Variants in LSAMP observed in about 807,000 individuals in gnomAD.
LSAMP encodes limbic system-associated membrane protein.
Under a neutral mutation model 38.6 loss-of-function variants are expected in LSAMP, and 7 were observed. That is an observed-to-expected ratio of 0.18 (90% CI 0.10 to 0.34). The LOEUF is 0.34. Among genes scored for constraint, LSAMP ranks in the 10% least tolerant of loss-of-function variants. The pLI is 1.00. For missense variants in LSAMP, 313 were observed against 420.0 expected (o/e 0.75, Z 2.23); for synonymous variants, 154 against 166.8 (o/e 0.92, Z 0.59).
At chr3:116,147,186 A>G (rs1709510664) in intron 1 of LSAMP, among the ~76,000 whole-genome samples, 1 of 151,892 alleles carries the variant, frequency 6.6e-6, no homozygotes, top group Non-Finnish European at 1.5e-5. Flanking sequence ...ATTTGTCATT[A>G]TTCTAAATTC....
At chr3:116,292,793 A>G (rs1384894182) in intron 1 of LSAMP, among the ~76,000 whole-genome samples, 2 of 152,208 alleles carry the variant, frequency 1.3e-5, no homozygotes, top group African/African-American at 4.8e-5. Flanking sequence ...GTTTGCTCAC[A>G]TAGTTTCTTT....
At chr3:116,224,344 C>T (rs942437927) in intron 1 of LSAMP, among the ~76,000 whole-genome samples, 2 of 152,178 alleles carry the variant, frequency 1.3e-5, no homozygotes, top group Non-Finnish European at 2.9e-5. Context: ...ATCCAAGAAA[C>T]AGGTGAACAA....
At chr3:116,170,367 G>T (rs1334398149) in intron 1 of LSAMP, among the ~76,000 whole-genome samples, 1 of 152,022 alleles carries the variant, frequency 6.6e-6, no homozygotes, top group African/African-American at 2.4e-5. Context: ...TCGCTTTGTG[G>T]CTACTCTGTG....
intron 1 of LSAMP, among the ~76,000 whole-genome samples, chr3:116,283,704 G>GT (rs1389290955): frequency 6.6e-6 from 1 of 152,158 alleles, no homozygotes; most frequent in Non-Finnish European, 1.5e-5. Flanking sequence ...CTTGTGTTTT[G>GT]TAAGAGCCAG....
chr3:115,915,816 A>G lies in LSAMP; in HGVS notation c.515-63199T>C, dbSNP rs151207729. On this transcript the variant is annotated intron_variant, in intron 3 of 6. Transcript: ENST00000490035. Reference sequence around the variant, plus strand: ...CCCGGCTAATTTTTGTATTTCTAGTAGAGACAGCATTTCACCATGTTGGCC... The same window carrying G: ...CCCGGCTAATTTTTGTATTTCTAGTGGAGACAGCATTTCACCATGTTGGCC... 4.9e-3 allele frequency among the ~76,000 whole-genome samples: 742 copies of G among 152,122 alleles called. 9 individuals are homozygous for G. The highest frequency in any genetic ancestry group is 0.017 in the African/African-American group (723 of 41,506).
chr3:116,215,264 G>A (rs2046206010), intron 1 of LSAMP, among the ~76,000 whole-genome samples: 1 of 152,188 alleles, frequency 6.6e-6, no homozygotes, highest in African/African-American at 2.4e-5. Flanking sequence ...CATCTATGAT[G>A]AAATCTTAGC....
At chr3:116,375,054 G>A (rs942021835) in intron 1 of LSAMP, among the ~76,000 whole-genome samples, 1 of 151,920 alleles carries the variant, frequency 6.6e-6, no homozygotes, top group Non-Finnish European at 1.5e-5. Flanking sequence ...ACTTCACAGA[G>A]TTCATATCAT....
chr3:116,301,176 T>C (rs78294739), intron 1 of LSAMP, among the ~76,000 whole-genome samples: 14,485 of 152,014 alleles, frequency 0.095, 818 homozygotes, highest in Middle Eastern at 0.16. Flanking sequence ...TCAATGGAAA[T>C]GAAAATCCAA....
chr3:115,928,857 T>C (rs1937530752), intron 3 of LSAMP, among the ~76,000 whole-genome samples: 1 of 152,168 alleles, frequency 6.6e-6, no homozygotes, highest in Admixed American at 6.5e-5. Context: ...TGTTAAGGTA[T>C]TTTCATTTGA....
chr3:115,960,421 A>C (rs949232693), intron 3 of LSAMP, among the ~76,000 whole-genome samples: 1 of 152,218 alleles, frequency 6.6e-6, no homozygotes, highest in Non-Finnish European at 1.5e-5. Flanking sequence ...TTTAATTCAG[A>C]GAACAGGCTT....
At chr3:116,432,143 G>A (rs778478896) in intron 1 of LSAMP, among the ~76,000 whole-genome samples, 3 of 151,634 alleles carry the variant, frequency 2.0e-5, no homozygotes, top group Non-Finnish European at 4.4e-5. Flanking sequence ...TATCGTATCT[G>A]TTTACATGCT....
chr3:116,238,039 C>A (rs73140978), intron 1 of LSAMP, among the ~76,000 whole-genome samples: 29 of 152,156 alleles, frequency 1.9e-4, no homozygotes, highest in African/African-American at 7.0e-4. Context: ...ATCCCTTCCT[C>A]CACCCAGTTG....
intron 1 of LSAMP, among the ~76,000 whole-genome samples, chr3:116,210,864 G>A (rs958317789): frequency 2.6e-5 from 4 of 152,064 alleles, no homozygotes; most frequent in East Asian, 1.9e-4. Context: ...TCAGTGTGTC[G>A]AAGAGATATC....
intron 3 of LSAMP, among the ~76,000 whole-genome samples, chr3:115,889,530 C>T (rs1936542643): frequency 6.6e-6 from 1 of 151,896 alleles, no homozygotes; most frequent in Non-Finnish European, 1.5e-5. Context: ...ATGAACACAG[C>T]ACTGGATTAA....
chr3:116,169,841 A>G (rs1710153674), intron 1 of LSAMP, among the ~76,000 whole-genome samples: 1 of 152,148 alleles, frequency 6.6e-6, no homozygotes, highest in Admixed American at 6.6e-5. Context: ...GGGTCTTGTG[A>G]AAATTGAGTC....
At chr3:116,344,121 C>T (rs549606889) in intron 1 of LSAMP, among the ~76,000 whole-genome samples, 4 of 152,170 alleles carry the variant, frequency 2.6e-5, no homozygotes, top group Admixed American at 2.0e-4. Context: ...TATGGAAGCA[C>T]GTGAATAATG....
chr3:116,106,107 A>G (rs1393459404), intron 1 of LSAMP, among the ~76,000 whole-genome samples: 1 of 152,194 alleles, frequency 6.6e-6, no homozygotes, highest in East Asian at 1.9e-4. Flanking sequence ...AACAGGTATA[A>G]AAGGTCTAAG....
chr3:116,071,805 T>A (rs1425098840), intron 2 of LSAMP, among the ~76,000 whole-genome samples: 1 of 152,134 alleles, frequency 6.6e-6, no homozygotes, highest in East Asian at 1.9e-4. Context: ...AGTGTCCATA[T>A]GTTTTCATCA....
At chr3:115,978,083 A>G (rs965648074) in intron 3 of LSAMP, among the ~76,000 whole-genome samples, 1 of 151,966 alleles carries the variant, frequency 6.6e-6, no homozygotes, top group Non-Finnish European at 1.5e-5. Flanking sequence ...GTCATGGCAC[A>G]CTGCAGCCTC....
Sources: gnomAD v4.1 joint callset for allele counts (sites outside exome capture counted in the v4.1 genomes callset) on GRCh38, gnomAD v4.1.1 for gene constraint, MANE v1.5 for transcripts, NCBI Gene and HGNC (gene_info 2026-07-23, HGNC 2026-07-21) for gene names.